The following AHRR variants were observed in gnomAD, a reference collection of about 807,000 sequenced individuals.
AHRR encodes the protein aryl hydrocarbon receptor repressor.
A neutral mutation model predicts 44.0 loss-of-function variants in AHRR; 28 were observed. The ratio of observed to expected loss-of-function variants is 0.64; its 90% confidence interval spans 0.47 to 0.87. AHRR has a LOEUF of 0.87. Ranked by LOEUF, AHRR falls within the 40% of genes least tolerant of loss-of-function variation. The probability of loss-of-function intolerance (pLI) is 0.00; values close to 1 mark genes in which losing one functional copy is unlikely to be tolerated. For missense variants in AHRR, 990 were observed against 953.9 expected, an observed-to-expected ratio of 1.04 and a Z score of -0.50; for synonymous variants, 434 against 407.0, an observed-to-expected ratio of 1.07 and a Z score of -0.80.
intron 3 of AHRR, among the ~76,000 whole-genome samples, chr5:371,314 G>A (rs1268316133): frequency 6.6e-6 from 1 of 152,220 alleles, no homozygotes; most frequent in African/African-American, 2.4e-5. Flanking sequence ...AGCACCCAGT[G>A]CTGCAGGTGG....
chr5:398,274 G>A (rs560255341), intron 4 of AHRR, among the ~76,000 whole-genome samples: 12 of 151,000 alleles, frequency 7.9e-5, no homozygotes, highest in African/African-American at 2.9e-4. Flanking sequence ...GACCATCCAC[G>A]TAGCCCCTGA....
intron 5 of AHRR, chr5:420,922 G>GCACACGCAGCCACCCACC (rs1231842053): frequency 3.1e-6 from 1 of 317,494 alleles, no homozygotes; most frequent in Non-Finnish European, 5.9e-6. Context: ...ATCCAGGCAC[G>GCACACGCAGCCACCCACC]CACACGCAGC....
intron 8 of AHRR, among the ~76,000 whole-genome samples, chr5:428,286 G>A (rs555920813): frequency 5.4e-4 from 83 of 152,348 alleles, no homozygotes; most frequent in African/African-American, 1.9e-3. Context: ...TCCTGACCCC[G>A]TGTCCTCAAG....
Position 434,370 on chromosome 5 carries a change from G to C in AHRR, c.1630G>C (p.Ala544Pro), listed in dbSNP as rs756651611. The part of the protein sequence containing the change: ...KMEKDSGCEG[A>P]ADGCVPSQVW... ...GGAGAAGGACTCTGGGTGTGAGGGT[G>C]CTGCAGACGGCTGTGTGCCCAGCCA... is the stretch of plus-strand genomic sequence containing the variant. Residue 544 changes from alanine (A) to proline (P), a missense_variant, in exon 11 of 11, where the codon GCT becomes CCT. Transcript: ENST00000684583. 1 of 1,613,502 alleles carries C rather than the reference G, an allele frequency of 6.2e-7. No individual in the cohort carries two copies. Among genetic ancestry groups the C allele is most frequent in the East Asian group, 2.2e-5 (1 of 44,880 alleles).
At chr5:378,125 A>C (rs1399394860) in intron 4 of AHRR, among the ~76,000 whole-genome samples, 1 of 152,262 alleles carries the variant, frequency 6.6e-6, no homozygotes, top group Admixed American at 6.5e-5. Context: ...TTGCCAGGGC[A>C]GTGAAAGGGG....
intron 1 of AHRR, among the ~76,000 whole-genome samples, chr5:332,488 G>A (rs6878371): frequency 0.098 from 14,900 of 151,872 alleles, 2,358 homozygotes; most frequent in African/African-American, 0.33. Flanking sequence ...GGCTGGTCTC[G>A]AACTCCTGAC....
rs201569519 is a variant in AHRR at position 427,934 on chromosome 5, C to T, written c.836C>T (p.Ala279Val). 45 of 1,614,032 alleles carry T rather than the reference C, an allele frequency of 2.8e-5. 1 individual carries two copies. The highest frequency in any genetic ancestry group is 4.0e-5 in the African/African-American group (3 of 75,052). The change falls in exon 8 of 11, where the codon GCG (alanine) becomes GTG (valine). Residue 279 changes from alanine to valine, a missense_variant. Ala to Val is a moderately conservative substitution (Grantham distance 64). Coordinates refer to ENST00000684583, the MANE Select transcript of AHRR (RefSeq NM_001377236.1). Reference protein sequence around the residue: ...IAAPVLLPSAAEMKMRSALLR... With the variant: ...IAAPVLLPSAVEMKMRSALLR... ...GCACCCGTTCTCCTCCCCTCCGCAGCGGAGATGAAAATGAGGAGCGCGCTC... is the reference window on the plus strand; with the variant it reads ...GCACCCGTTCTCCTCCCCTCCGCAGTGGAGATGAAAATGAGGAGCGCGCTC...
chr5:422,673 A>G, intron 5 of AHRR, 56 bp from the exon 6 acceptor site: 2 of 1,611,980 alleles, frequency 1.2e-6, no homozygotes, highest in Non-Finnish European at 1.7e-6. Context: ...TCGGTGGAAT[A>G]AAGTGTCTAA....
At chr5:392,386 G>A (rs1368556812) in intron 4 of AHRR, among the ~76,000 whole-genome samples, 1 of 135,508 alleles carries the variant, frequency 7.4e-6, no homozygotes, top group Non-Finnish European at 1.6e-5. Flanking sequence ...AGGGCGAGGA[G>A]GGCGCAGGGT....
intron 4 of AHRR, among the ~76,000 whole-genome samples, chr5:391,378 GCA>G (rs1734431543): frequency 9.4e-6 from 1 of 106,858 alleles, no homozygotes; most frequent in African/African-American, 5.8e-5. Context: ...GTGCATGGGC[GCA>G]GGGCGAGGAG....
chr5:404,337 C>CTT lies in AHRR; in HGVS notation c.352-8998_352-8997dup. On this transcript the variant is annotated intron_variant, in intron 4 of 10. Transcript: ENST00000684583. This position sits in a 1 kb window ranked among gnomAD's most constrained non-coding sequence, Gnocchi z 4.1. ...CAGTGTTACTAAAAGCTGTTTCACT[C>CTT]TTTTTTTTTTCTTTTTTCCTTCATT... 1.5e-5 allele frequency: 7 copies of CTT among 460,234 alleles called. No homozygotes were observed. Among genetic ancestry groups the CTT allele is most frequent in the South Asian group, 3.4e-5 (2 of 58,750 alleles). The allele number at this position is 460,234 out of a possible 1,614,324, so 28.5% of individuals were successfully genotyped here.
intron 4 of AHRR, among the ~76,000 whole-genome samples, chr5:379,942 C>T (rs1223778463): frequency 2.6e-5 from 4 of 152,152 alleles, no homozygotes; most frequent in Non-Finnish European, 4.4e-5. Flanking sequence ...ATGCTTTCTT[C>T]TAAAGTTGTA....
At chr5:348,214 G>C (rs1225289325) in intron 2 of AHRR, among the ~76,000 whole-genome samples, 1 of 152,114 alleles carries the variant, frequency 6.6e-6, no homozygotes, top group Non-Finnish European at 1.5e-5. Context: ...AGGAGTGAAT[G>C]CCCTGTGCCA....
At chr5:429,555 G>A (rs985448501) in intron 8 of AHRR, among the ~76,000 whole-genome samples, 45 of 152,314 alleles carry the variant, frequency 3.0e-4, no homozygotes, top group African/African-American at 9.9e-4. Context: ...CTGTGACTCC[G>A]AGACCCACCC....
At chr5:403,106 C>A (rs151253819) in intron 4 of AHRR, among the ~76,000 whole-genome samples, 1 of 152,074 alleles carries the variant, frequency 6.6e-6, no homozygotes. Flanking sequence ...GACGACTCTG[C>A]GGAGTGAAAC....
rs931115233 is a variant in AHRR, at chr5:395,622, C to T, written c.352-17722C>T. On this transcript the variant is annotated intron_variant, in intron 4 of 10. Transcript: ENST00000684583. The surrounding 1 kb of genome is among the most constrained non-coding windows in gnomAD (Gnocchi z 5.3). ...CCTTGCGTGTCTGGAAGCCCCAAGC[C>T]GCTCGGCAGACGGTCATCGGGCCGC... Among the ~76,000 whole-genome samples the T allele has an allele frequency of 2.2e-4, 33 of 152,252 alleles. No homozygotes were observed. The highest frequency in any genetic ancestry group is 1.9e-4 in the East Asian group (1 of 5,200).
In AHRR at chr5:433,938, C is replaced by G; in HGVS notation, c.1198C>G (p.Leu400Val). The G allele has an allele frequency of 1.3e-6, 2 of 1,541,294 alleles. No individual in the cohort carries two copies. Residue 400 changes from leucine (L) to valine (V), a missense_variant, in exon 11 of 11, where the codon CTG becomes GTG. Leu to Val is a conservative substitution (Grantham distance 32). Coordinates refer to ENST00000684583, the MANE Select transcript of AHRR (RefSeq NM_001377236.1). ...GGAGACTCCAGGACCCACAAAGCCCCTGCCCTGGACAGCGGGAAAGCACAG... is the reference window on the plus strand; with the variant it reads ...GGAGACTCCAGGACCCACAAAGCCCGTGCCCTGGACAGCGGGAAAGCACAG... ...RRETPGPTKPLPWTAGKHSED... is the reference protein window; with the variant it reads ...RRETPGPTKPVPWTAGKHSED...
chr5:330,930 A>G (rs577944423), intron 1 of AHRR, among the ~76,000 whole-genome samples: 5 of 143,130 alleles, frequency 3.5e-5, no homozygotes, highest in South Asian at 2.2e-4. Context: ...CTGGAGTGCA[A>G]TGGTGTGATC....
chr5:379,130 G>T (rs2126449921), intron 4 of AHRR, among the ~76,000 whole-genome samples: 1 of 152,280 alleles, frequency 6.6e-6, no homozygotes, highest in Admixed American at 6.5e-5. Context: ...CTTCCACACG[G>T]AGTCACACGC....
Sources: gnomAD v4.1 joint callset for allele counts (sites outside exome capture counted in the v4.1 genomes callset) on GRCh38, gnomAD v4.1.1 for gene constraint, Gnocchi (gnomAD v3.1) non-coding constraint, MANE v1.5 for transcripts, NCBI Gene and HGNC (gene_info 2026-07-23, HGNC 2026-07-21) for gene names.